Variants in NRG1 observed in about 807,000 individuals in gnomAD.
The protein encoded by NRG1 is neuregulin 1.
A neutral mutation model predicts 63.8 loss-of-function variants in NRG1; 18 were observed. The observed-to-expected ratio is 0.28, with a 90% CI of 0.19 to 0.42. The LOEUF (loss-of-function observed/expected upper bound fraction) is 0.42, where lower values mean the gene tolerates loss of function less well. NRG1 is among the 10% of genes least tolerant of loss of function. The probability of loss-of-function intolerance (pLI) is 1.00; values close to 1 mark genes in which losing one functional copy is unlikely to be tolerated. For missense variants in NRG1, 762 were observed against 814.7 expected (o/e 0.94, Z 0.79); for synonymous variants, 302 against 301.3 (o/e 1.00, Z -0.02).
chr8:32,435,744 C>T (rs923435257), intron 1 of NRG1, among the ~76,000 whole-genome samples: 5 of 152,174 alleles, frequency 3.3e-5, no homozygotes, highest in African/African-American at 1.2e-4. Flanking sequence ...CTTCAAAGTT[C>T]TAAAGAACTA....
chr8:32,319,890 A>G (rs149212171), intron 1 of NRG1, among the ~76,000 whole-genome samples: 268 of 152,276 alleles, frequency 1.8e-3, no homozygotes, highest in African/African-American at 6.0e-3. Context: ...ATATTAATAT[A>G]ATGCTAATAC....
At chr8:32,136,294 G>T (rs1481763) in intron 1 of NRG1, among the ~76,000 whole-genome samples, 67,058 of 152,026 alleles carry the variant, frequency 0.44, 16,296 homozygotes, top group Admixed American at 0.55. Context: ...TGCAGGTACT[G>T]TTGTCACCTG....
intron 1 of NRG1, among the ~76,000 whole-genome samples, chr8:32,035,638 A>G (rs1189473134): frequency 4.6e-5 from 7 of 152,168 alleles, no homozygotes; most frequent in Non-Finnish European, 1.0e-4. Flanking sequence ...GGGTGCATAA[A>G]TATTTAGGAT....
chr8:32,415,885 T>C (rs550100108), intron 1 of NRG1, among the ~76,000 whole-genome samples: 5 of 152,232 alleles, frequency 3.3e-5, no homozygotes. Context: ...ACAGTCCCTT[T>C]GTACACAAAC....
intron 1 of NRG1, among the ~76,000 whole-genome samples, chr8:31,800,837 C>CT (rs5890598): frequency 0.27 from 28,748 of 104,860 alleles, 5,643 homozygotes; most frequent in Non-Finnish European, 0.35. Flanking sequence ...AGTCTCCTTT[C>CT]TTTTTTTTTT....
At chr8:32,179,889 A>G (rs934945746) in intron 1 of NRG1, among the ~76,000 whole-genome samples, 1 of 151,938 alleles carries the variant, frequency 6.6e-6, no homozygotes, top group Non-Finnish European at 1.5e-5. Context: ...CAATTTTTAA[A>G]TCTTTTTTTT....
At chr8:31,760,738 A>C (rs1412232431) in intron 1 of NRG1, among the ~76,000 whole-genome samples, 1 of 152,230 alleles carries the variant, frequency 6.6e-6, no homozygotes, top group Non-Finnish European at 1.5e-5. Context: ...AATGCAAATC[A>C]AAACCACAAT....
chr8:32,444,765 A>T (rs1182312447), intron 1 of NRG1, among the ~76,000 whole-genome samples: 1 of 152,234 alleles, frequency 6.6e-6, no homozygotes, highest in Admixed American at 6.5e-5. Context: ...GACGAATACA[A>T]ATCCAGCAAT....
intron 1 of NRG1, among the ~76,000 whole-genome samples, chr8:32,217,213 C>CAA (rs538507645): frequency 2.1e-3 from 213 of 101,154 alleles, no homozygotes; most frequent in East Asian, 1.0e-2. Flanking sequence ...GACCCTGTCT[C>CAA]AAAAAAAAAA....
chr8:32,722,037 T>C (rs1279586797), intron 5 of NRG1: 3 of 1,547,602 alleles, frequency 1.9e-6, no homozygotes, highest in African/African-American at 2.7e-5. Flanking sequence ...ATTGAAGATA[T>C]TACAGGTAAG....
At chr8:32,701,987 C>G (rs1446532275) in intron 5 of NRG1, among the ~76,000 whole-genome samples, 2 of 152,196 alleles carry the variant, frequency 1.3e-5, no homozygotes, top group Non-Finnish European at 2.9e-5. Flanking sequence ...ATTGTATTTT[C>G]CCTTTTCCTA....
At chr8:32,725,304 T>A (rs568583588) in intron 5 of NRG1, among the ~76,000 whole-genome samples, 1 of 152,128 alleles carries the variant, frequency 6.6e-6, no homozygotes, top group African/African-American at 2.4e-5. Context: ...TCAGAGTTCC[T>A]CTGCAGGACT....
intron 5 of NRG1, among the ~76,000 whole-genome samples, chr8:32,706,353 G>T (rs1409111799): frequency 6.6e-6 from 1 of 152,112 alleles, no homozygotes; most frequent in Non-Finnish European, 1.5e-5. Flanking sequence ...AGATAAATGG[G>T]ACTTATAAGT....
chr8:31,801,015 TA>T (rs1821731692), intron 1 of NRG1, among the ~76,000 whole-genome samples: 2 of 63,616 alleles, frequency 3.1e-5, no homozygotes, highest in East Asian at 0.01. Flanking sequence ...AATTTTTTTG[TA>T]TTTTTTTTTT....
At chr8:31,641,526 G>A (rs1803785326) in intron 1 of NRG1, among the ~76,000 whole-genome samples, 1 of 152,164 alleles carries the variant, frequency 6.6e-6, no homozygotes, top group South Asian at 2.1e-4. Context: ...CCACTGAAAA[G>A]TATTCTTCCC....
intron 1 of NRG1, among the ~76,000 whole-genome samples, chr8:31,820,637 A>G (rs1296672770): frequency 3.3e-5 from 5 of 152,242 alleles, no homozygotes; most frequent in African/African-American, 1.2e-4. Flanking sequence ...GATGTTTGGC[A>G]GGGATTGAAC....
intron 1 of NRG1, among the ~76,000 whole-genome samples, chr8:31,760,993 A>G (rs932125630): frequency 2.6e-5 from 4 of 152,196 alleles, no homozygotes; most frequent in Non-Finnish European, 2.9e-5. Flanking sequence ...CTATAAAGAC[A>G]CATGCACACG....
At chr8:31,743,415 A>G (rs1815503324) in intron 1 of NRG1, among the ~76,000 whole-genome samples, 1 of 151,988 alleles carries the variant, frequency 6.6e-6, no homozygotes, top group Non-Finnish European at 1.5e-5. Context: ...ACTATATAAT[A>G]GTTAATTGCT....
At chr8:32,270,213 A>G (rs543235541) in intron 1 of NRG1, among the ~76,000 whole-genome samples, 15 of 152,188 alleles carry the variant, frequency 9.9e-5, no homozygotes, top group Non-Finnish European at 1.9e-4. Context: ...TGCTAAATTC[A>G]TATGTTAGCA....
Sources: allele counts gnomAD v4.1 joint callset (sites outside exome capture counted in the v4.1 genomes callset), GRCh38; gene constraint gnomAD v4.1.1; transcripts MANE v1.5; gene names NCBI Gene and HGNC (gene_info 2026-07-23, HGNC 2026-07-21).